The following PCDHGB3 variants were observed in gnomAD, a reference collection of about 807,000 sequenced individuals.
PCDHGB3 encodes the protein protocadherin gamma-B3.
A neutral mutation model predicts 59.2 loss-of-function variants in PCDHGB3; 40 were observed. The observed-to-expected ratio is 0.68, with a 90% CI of 0.52 to 0.88. The LOEUF (loss-of-function observed/expected upper bound fraction) is 0.88. Among genes scored for constraint, PCDHGB3 ranks in the 40% least tolerant of loss-of-function variants. PCDHGB3 has a pLI of 0.00. For synonymous variants in PCDHGB3, 581 were observed against 503.6 expected (o/e 1.15, Z -2.06); for missense variants, 1,309 against 1,187.9 (o/e 1.10, Z -1.50).
At position 141,487,025 on chromosome 5, in the gene PCDHGB3, C is replaced by T. The variant is rs769789352; in HGVS notation, c.2416-7782C>T. On this transcript the variant is annotated intron_variant, in intron 1 of 3. Transcript: ENST00000576222. This position sits in a 1 kb window ranked among gnomAD's most constrained non-coding sequence, Gnocchi z 5.0. ...GCTCCTGGAGGCCCCAGATCCCAGCCTGTTTGCAGTCTCTCGATATGCTGG... is the reference window on the plus strand; with the variant it reads ...GCTCCTGGAGGCCCCAGATCCCAGCTTGTTTGCAGTCTCTCGATATGCTGG... 1.9e-6 allele frequency: 3 copies of T among 1,614,216 alleles called. No homozygotes were observed. Among genetic ancestry groups the T allele is most frequent in the Non-Finnish European group, 2.5e-6 (3 of 1,180,050 alleles).
At chr5:141,398,314 A>C in intron 1 of PCDHGB3, 1 of 1,348,682 alleles carries the variant, frequency 7.4e-7, no homozygotes, top group Non-Finnish European at 1.0e-6. Context: ...GGAGTTACCG[A>C]CTCGAAAACT....
intron 1 of PCDHGB3, among the ~76,000 whole-genome samples, chr5:141,482,760 C>CAGCTGTG (rs1363796107): frequency 2.1e-5 from 3 of 141,084 alleles, no homozygotes; most frequent in African/African-American, 5.7e-5. Flanking sequence ...TATGGTATTT[C>CAGCTGTG]ATTATCACTG....
chr5:141,450,826 A>ATTTT (rs764729742), intron 1 of PCDHGB3, among the ~76,000 whole-genome samples: 5 of 134,360 alleles, frequency 3.7e-5, no homozygotes, highest in East Asian at 2.1e-4. Flanking sequence ...TATTATTATT[A>ATTTT]TTATTTTTTT....
chr5:141,436,121 C>T (rs2097796819), intron 1 of PCDHGB3, among the ~76,000 whole-genome samples: 1 of 152,154 alleles, frequency 6.6e-6, no homozygotes, highest in Admixed American at 6.5e-5. Context: ...AAACCTCTCT[C>T]CTCCATCATC....
In PCDHGB3 at chr5:141,402,724, G is replaced by A. The variant is rs558797465; in HGVS notation, c.2415+29915G>A. Among the ~76,000 whole-genome samples, 7 of 152,276 alleles carry A rather than the reference G, an allele frequency of 4.6e-5. No individual in the cohort carries two copies. The South Asian group carries it at 1.5e-3, about 32-fold the overall frequency. On this transcript the variant is annotated intron_variant, in intron 1 of 3. Transcript: ENST00000576222. Reference sequence around the variant, plus strand: ...GGGTGTAGTAACGGCTTAGGACTCTGAGCGCCGCTGTTGATCAACTCTAAG... The same window carrying A: ...GGGTGTAGTAACGGCTTAGGACTCTAAGCGCCGCTGTTGATCAACTCTAAG...
At chr5:141,414,117 A>T (rs764001135) in intron 1 of PCDHGB3, 2 of 1,592,602 alleles carry the variant, frequency 1.3e-6, no homozygotes, top group Non-Finnish European at 1.7e-6. Flanking sequence ...TAGATTATGA[A>T]GAAACCGGTT....
At chr5:141,373,070 A>G (rs1217511247) in intron 1 of PCDHGB3, among the ~76,000 whole-genome samples, 2 of 152,206 alleles carry the variant, frequency 1.3e-5, no homozygotes, top group Non-Finnish European at 2.9e-5. Context: ...AACATTTTTA[A>G]TACAGTATTA....
In PCDHGB3 at chr5:141,485,042, C is replaced by T; in HGVS notation, c.2416-9765C>T. ...CAGCAAAAACGGCGCGTAACCCTTGCGGCGCCGGCCGAACCGCGCCAGAGC... is the reference window on the plus strand; with the variant it reads ...CAGCAAAAACGGCGCGTAACCCTTGTGGCGCCGGCCGAACCGCGCCAGAGC... On this transcript the variant is annotated intron_variant, in intron 1 of 3. Coordinates refer to ENST00000576222, the MANE Select transcript of PCDHGB3 (RefSeq NM_018924.5). This position sits in a 1 kb window ranked among gnomAD's most constrained non-coding sequence, Gnocchi z 5.7. 1 of 724,054 alleles carries T rather than the reference C, an allele frequency of 1.4e-6. No individual in the cohort carries two copies. Among genetic ancestry groups the T allele is most frequent in the South Asian group, 1.8e-5 (1 of 56,650 alleles). 44.9% of individuals were successfully genotyped at this position (724,054 alleles called of 1,614,324 possible). A position where few individuals can be genotyped will look rare whatever the true frequency, so the allele number is the denominator to read the frequency against.
intron 1 of PCDHGB3, among the ~76,000 whole-genome samples, chr5:141,387,076 G>T (rs531327789): frequency 2.8e-4 from 42 of 152,310 alleles, no homozygotes; most frequent in African/African-American, 9.4e-4. Flanking sequence ...GTAGGCTACT[G>T]CCTGTGATCA....
chr5:141,426,104 A>T (rs2096915289), intron 1 of PCDHGB3, among the ~76,000 whole-genome samples: 1 of 152,258 alleles, frequency 6.6e-6, no homozygotes, highest in Non-Finnish European at 1.5e-5. Flanking sequence ...GTTCAGTCAC[A>T]GAAGCAAGTC....
intron 1 of PCDHGB3, chr5:141,395,544 G>GTTTGTT (rs70988801): frequency 1.5e-3 from 17 of 11,560 alleles, no homozygotes; most frequent in African/African-American, 4.5e-3. Flanking sequence ...GCTATTGTTT[G>GTTTGTT]TGTGTGTGTG....
chr5:141,383,027 C>A lies in PCDHGB3; in HGVS notation c.2415+10218C>A, dbSNP rs752703068. 3 of 1,613,838 alleles carry A rather than the reference C, an allele frequency of 1.9e-6. No homozygotes were observed. In the South Asian group the frequency reaches 3.3e-5, roughly 18 times the overall value. ...GTGTCGGAGGAGACGGACAAAGGGTCCTTTGTGGGAGACATCGCCAAGGAC... is the reference window on the plus strand; with the variant it reads ...GTGTCGGAGGAGACGGACAAAGGGTACTTTGTGGGAGACATCGCCAAGGAC... On this transcript the variant is annotated intron_variant, in intron 1 of 3. Coordinates refer to ENST00000576222, the MANE Select transcript of PCDHGB3 (RefSeq NM_018924.5).
At chr5:141,413,390 C>T (rs1373497766) in intron 1 of PCDHGB3, 1 of 1,614,010 alleles carries the variant, frequency 6.2e-7, no homozygotes, top group African/African-American at 1.3e-5. Context: ...CGCATAGTCT[C>T]CAGAGGTAGG....
At chr5:141,445,357 G>A (rs115045385) in intron 1 of PCDHGB3, among the ~76,000 whole-genome samples, 18 of 152,258 alleles carry the variant, frequency 1.2e-4, no homozygotes, top group Admixed American at 1.1e-3. Context: ...GTCTGCCCAA[G>A]TCTGGTCCTG....
chr5:141,480,607 C>T (rs2099522175), intron 1 of PCDHGB3, among the ~76,000 whole-genome samples: 1 of 145,670 alleles, frequency 6.9e-6, no homozygotes, highest in Admixed American at 6.8e-5. Context: ...GCCTGGAAAG[C>T]AACTGGCATT....
chr5:141,416,062 T>G, intron 1 of PCDHGB3: 1 of 176,822 alleles, frequency 5.7e-6, no homozygotes, highest in Non-Finnish European at 1.2e-5. Flanking sequence ...AATCCAAGAA[T>G]ACTCAATGCA....
In PCDHGB3 at chr5:141,485,624, C is replaced by T; in HGVS notation, c.2416-9183C>T. 1 of 1,611,640 alleles carries T rather than the reference C, an allele frequency of 6.2e-7. No homozygotes were observed. The highest frequency in any genetic ancestry group is 1.1e-5 in the South Asian group (1 of 90,868). The stretch of plus-strand genomic sequence containing the variant: ...TGGGGAGGCAGCTCCTCCAGGACAG[C>T]GTTTCCCGTTGGAAAAGGCTCAGGA... On this transcript the variant is annotated intron_variant, in intron 1 of 3. Transcript: ENST00000576222. This position sits in a 1 kb window ranked among gnomAD's most constrained non-coding sequence, Gnocchi z 5.7.
intron 1 of PCDHGB3, chr5:141,410,095 C>T (rs2095356889): frequency 1.2e-6 from 2 of 1,612,676 alleles, no homozygotes; most frequent in Non-Finnish European, 1.7e-6. Flanking sequence ...CGGCTCGAGC[C>T]TTAGGCGACA....
At chr5:141,396,847 T>G (rs2093444333) in intron 1 of PCDHGB3, among the ~76,000 whole-genome samples, 1 of 152,190 alleles carries the variant, frequency 6.6e-6, no homozygotes. Context: ...GGGAGTTAAC[T>G]TCATAGTTTG....
Sources: allele counts gnomAD v4.1 joint callset (sites outside exome capture counted in the v4.1 genomes callset), GRCh38; gene constraint gnomAD v4.1.1; non-coding constraint Gnocchi (gnomAD v3.1); transcripts MANE v1.5; gene names NCBI Gene and HGNC (gene_info 2026-07-23, HGNC 2026-07-21).